Variants in ZDHHC4 observed in about 807,000 individuals in gnomAD.
ZDHHC4 encodes zDHHC palmitoyltransferase 4, also known as palmitoyltransferase ZDHHC4.
ZDHHC4 carries 42 observed loss-of-function variants against 36.7 expected under a neutral mutation model. That is an observed-to-expected ratio of 1.14 (90% CI 0.89 to 1.48). ZDHHC4 has a LOEUF of 1.48. ZDHHC4 is among the 40% of genes most tolerant of loss of function. The pLI, the probability that ZDHHC4 is intolerant of heterozygous loss-of-function variation, is 0.00. For missense variants in ZDHHC4, 457 were observed against 421.5 expected (o/e 1.08, Z -0.74); for synonymous variants, 189 against 166.6 (o/e 1.13, Z -1.03).
chr7:6,581,683 ATT>A lies in ZDHHC4; in HGVS notation c.191+5_191+6del. 1 of 1,599,066 alleles carries A rather than the reference ATT, an allele frequency of 6.3e-7. No homozygotes were observed. The highest frequency in any genetic ancestry group is 2.2e-5 in the East Asian group (1 of 44,810). On this transcript the variant is annotated splice_donor_5th_base_variant and intron_variant, in intron 4 of 7. Transcript: ENST00000335965. The stretch of plus-strand genomic sequence containing the variant: ...CTTCATTACCTTTTCCATACGAGGT[ATT>A]TCTCTTTCAGAGTTTAAATATTCTC...
rs367965665 is a variant in ZDHHC4 at position 6,585,068 on chromosome 7, C to T, written c.549C>T (p.Asn183=). The change falls in exon 7 of 8, where the codon AAC becomes AAT. Residue 183 remains asparagine (N), a synonymous_variant. Transcript: ENST00000335965. ...HRFDHHCVWV[N]NCIGAWNIRY... is the part of the protein sequence containing the mutation. The stretch of plus-strand genomic sequence containing the variant: ...TCGACCATCACTGTGTTTGGGTGAA[C>T]AACTGCATCGGGGCCTGGAACATCA... 63 of 1,614,022 alleles carry T rather than the reference C, an allele frequency of 3.9e-5. No individual in the cohort carries two copies. Among genetic ancestry groups the T allele is most frequent in the Non-Finnish European group, 4.8e-5 (57 of 1,180,042 alleles).
intron 2 of ZDHHC4, among the ~76,000 whole-genome samples, chr7:6,579,549 A>G (rs1301381443): frequency 6.6e-6 from 1 of 152,122 alleles, no homozygotes; most frequent in Non-Finnish European, 1.5e-5. Context: ...CTGGTTCCAG[A>G]GGGTAATTCC....
intron 1 of ZDHHC4, 24 bp downstream of exon 1, chr7:6,577,522 T>C (rs931052761): frequency 6.6e-6 from 1 of 152,206 alleles, no homozygotes; most frequent in Non-Finnish European, 1.5e-5. Context: ...CGCGGGGCTG[T>C]GGGAAGCTTG....
At position 6,581,680 on chromosome 7, in the gene ZDHHC4, G is replaced by C. The variant is rs1286370969; in HGVS notation, c.191G>C (p.Arg64Thr). The C allele has an allele frequency of 6.2e-7, 1 of 1,600,488 alleles. No homozygotes were observed. The highest frequency in any genetic ancestry group is 8.6e-7 in the Non-Finnish European group (1 of 1,169,504). Residue 64 changes from arginine (R) to threonine (T), a missense_variant and splice_region_variant, in exon 4 of 8, where the codon AGA becomes ACA. Coordinates refer to ENST00000335965, the MANE Select transcript of ZDHHC4 (RefSeq NM_001134389.2). ...HGLLHYLFHT[R>T]NHTFIVLHLV... ...TTGCTTCATTACCTTTTCCATACGA[G>C]GTATTTCTCTTTCAGAGTTTAAATA...
intron 3 of ZDHHC4, 52 bp downstream of exon 3, chr7:6,580,730 G>A (rs759467657): frequency 1.3e-6 from 2 of 1,549,388 alleles, no homozygotes; most frequent in Non-Finnish European, 1.8e-6. Context: ...GTTAGTCTAA[G>A]AGACTCACAG....
At chr7:6,577,833 T>A (rs749591684) in intron 1 of ZDHHC4, 1 of 152,206 alleles carries the variant, frequency 6.6e-6, no homozygotes. Flanking sequence ...ACAAAGTCTT[T>A]ATTATTATTG....
At chr7:6,581,423 G>C (rs537646480) in intron 3 of ZDHHC4, among the ~76,000 whole-genome samples, 184 bp from the exon 4 acceptor site, 1 of 152,206 alleles carries the variant, frequency 6.6e-6, no homozygotes, top group African/African-American at 2.4e-5. Flanking sequence ...TGGAGTTGGC[G>C]TGAAAGGAAA....
chr7:6,585,101 C>T lies in ZDHHC4; in HGVS notation c.582C>T (p.Phe194=), dbSNP rs189494308. ...TCGGGGCCTGGAACATCAGGTACTT[C>T]CTCATCTACGTCTTGACCTTGACGG... is the stretch of plus-strand genomic sequence containing the variant. ...NCIGAWNIRY[F]LIYVLTLTAS... Residue 194 remains phenylalanine (F), a synonymous_variant, in exon 7 of 8, where the codon TTC becomes TTT. Coordinates refer to ENST00000335965, the MANE Select transcript of ZDHHC4 (RefSeq NM_001134389.2). The T allele has an allele frequency of 6.2e-7, 1 of 1,614,014 alleles. No individual in the cohort carries two copies. Among genetic ancestry groups the T allele is most frequent in the Non-Finnish European group, 8.5e-7 (1 of 1,180,034 alleles).
intron 7 of ZDHHC4, among the ~76,000 whole-genome samples, chr7:6,587,258 T>G (rs1044769361): frequency 1.3e-5 from 2 of 152,178 alleles, no homozygotes; most frequent in African/African-American, 4.8e-5. Flanking sequence ...GTTAATCTTT[T>G]GTTATACTGT....
chr7:6,585,348 G>T (rs1781168916), intron 7 of ZDHHC4, 88 bp downstream of exon 7: 1 of 1,531,926 alleles, frequency 6.5e-7, no homozygotes, highest in Non-Finnish European at 8.8e-7. Flanking sequence ...GTTAGGTGGG[G>T]TGTGGTGGCT....
At position 6,582,059 on chromosome 7, in the gene ZDHHC4, C is replaced by G. The variant is rs757170078; in HGVS notation, c.192-14C>G. On this transcript the variant is annotated splice_polypyrimidine_tract_variant and intron_variant, in intron 4 of 7. Coordinates refer to ENST00000335965, the MANE Select transcript of ZDHHC4 (RefSeq NM_001134389.2). ...AGAAACCCCCATGAACAAGCCATGC[C>G]TGTTTTCTTTCAGAAACCACACCTT... 1.2e-6 allele frequency: 2 copies of G among 1,607,886 alleles called. No homozygotes were observed. Among genetic ancestry groups the G allele is most frequent in the African/African-American group, 2.7e-5 (2 of 74,924 alleles).
chr7:6,581,384 A>G (rs565770620), intron 3 of ZDHHC4, among the ~76,000 whole-genome samples: 1 of 152,358 alleles, frequency 6.6e-6, no homozygotes, highest in South Asian at 2.1e-4. Context: ...AGACACTGAC[A>G]GGTGCCTTCG....
At chr7:6,577,929 T>G (rs1780553330) in intron 1 of ZDHHC4, among the ~76,000 whole-genome samples, 1 of 152,088 alleles carries the variant, frequency 6.6e-6, no homozygotes, top group South Asian at 2.1e-4. Flanking sequence ...GCCTCCCGGA[T>G]TCAAGCAATT....
chr7:6,588,985 T>G lies in ZDHHC4; in HGVS notation c.*75T>G. ...GGATCCTCGTTTTCCAAGCATGGCTTGTTTGTTTTGATTTCTGCTGTGCTT... is the reference window on the plus strand; with the variant it reads ...GGATCCTCGTTTTCCAAGCATGGCTGGTTTGTTTTGATTTCTGCTGTGCTT... On this transcript the variant is annotated 3_prime_UTR_variant, in exon 8 of 8. Coordinates refer to ENST00000335965, the MANE Select transcript of ZDHHC4 (RefSeq NM_001134389.2). 1.3e-6 allele frequency: 2 copies of G among 1,529,204 alleles called. No individual in the cohort carries two copies. Among genetic ancestry groups the G allele is most frequent in the Non-Finnish European group, 1.8e-6 (2 of 1,127,898 alleles). The allele number at this position is 1,529,204 out of a possible 1,614,324, so 94.7% of individuals were successfully genotyped here.
At chr7:6,581,854 T>C (rs752028577) in intron 4 of ZDHHC4, among the ~76,000 whole-genome samples, 174 bp downstream of exon 4, 3 of 152,234 alleles carry the variant, frequency 2.0e-5, no homozygotes, top group Non-Finnish European at 4.4e-5. Flanking sequence ...ATCTGCCTTT[T>C]GAGATGGAGG....
intron 3 of ZDHHC4, 74 bp downstream of exon 3, chr7:6,580,752 G>A: frequency 6.9e-7 from 1 of 1,450,302 alleles, no homozygotes; most frequent in South Asian, 1.2e-5. Context: ...TTTTGCTACA[G>A]GACAAAAAAG....
chr7:6,587,070 A>C (rs1383511110), intron 7 of ZDHHC4, among the ~76,000 whole-genome samples: 1 of 149,510 alleles, frequency 6.7e-6, no homozygotes, highest in African/African-American at 2.5e-5. Context: ...TTTGAGACAG[A>C]GTCTCACTCT....
Position 6,589,005 on chromosome 7 carries a change from G to A in ZDHHC4, c.*95G>A. The A allele has an allele frequency of 6.8e-7, 1 of 1,474,586 alleles. No homozygotes were observed. The highest frequency in any genetic ancestry group is 9.2e-7 in the Non-Finnish European group (1 of 1,086,864). The allele number at this position is 1,474,586 out of a possible 1,614,324, so 91.3% of individuals were successfully genotyped here. A position where few individuals can be genotyped will look rare whatever the true frequency, so the allele number is the denominator to read the frequency against. On this transcript the variant is annotated 3_prime_UTR_variant, in exon 8 of 8. Coordinates refer to ENST00000335965, the MANE Select transcript of ZDHHC4 (RefSeq NM_001134389.2). ...TGGCTTGTTTGTTTTGATTTCTGCTGTGCTTATAAATCACTTTCGGTGGGC... is the reference window on the plus strand; with the variant it reads ...TGGCTTGTTTGTTTTGATTTCTGCTATGCTTATAAATCACTTTCGGTGGGC...
At chr7:6,586,902 T>C (rs1211258297) in intron 7 of ZDHHC4, among the ~76,000 whole-genome samples, 1 of 152,228 alleles carries the variant, frequency 6.6e-6, no homozygotes, top group African/African-American at 2.4e-5. Flanking sequence ...GTAATACTGC[T>C]GTGAACATTC....
Sources: allele counts gnomAD v4.1 joint callset (sites outside exome capture counted in the v4.1 genomes callset), GRCh38; gene constraint gnomAD v4.1.1; transcripts MANE v1.5; gene names NCBI Gene and HGNC (gene_info 2026-07-23, HGNC 2026-07-21).